Variants in DGKB observed in about 807,000 individuals in gnomAD.
The protein encoded by DGKB is 90 kDa diacylglycerol kinase.
DGKB carries 67 observed loss-of-function variants against 114.3 expected under a neutral mutation model. The ratio of observed to expected loss-of-function variants is 0.59; its 90% confidence interval spans 0.48 to 0.72. The LOEUF (loss-of-function observed/expected upper bound fraction) is 0.72. DGKB is among the 30% of genes least tolerant of loss of function. DGKB has a pLI of 0.00. For missense variants in DGKB, 907 were observed against 975.2 expected (o/e 0.93, Z 0.93); for synonymous variants, 398 against 323.1 (o/e 1.23, Z -2.49).
intron 13 of DGKB, among the ~76,000 whole-genome samples, chr7:14,641,103 T>G (rs796133871): frequency 6.6e-6 from 1 of 152,324 alleles, no homozygotes; most frequent in African/African-American, 2.4e-5. Flanking sequence ...GTTTCACCAG[T>G]GTTTAATGAG....
rs554268024 is a variant in DGKB, at chr7:14,188,585, G to A, written c.2123-10434C>T. Reference sequence around the variant, plus strand: ...TGAGGCAGGAGAATGGCGTGAACCCGGGAGGCGGAGCTTGCAGTGAGCCTA... The same window carrying A: ...TGAGGCAGGAGAATGGCGTGAACCCAGGAGGCGGAGCTTGCAGTGAGCCTA... On this transcript the variant is annotated intron_variant, in intron 23 of 25. Coordinates refer to ENST00000402815, the MANE Select transcript of DGKB (RefSeq NM_001350709.2). 2.1e-3 allele frequency among the ~76,000 whole-genome samples: 263 copies of A among 122,634 alleles called. 10 individuals carry two copies. Among genetic ancestry groups the A allele is most frequent in the African/African-American group, 7.1e-3 (245 of 34,396 alleles). The allele number at this position is 122,634 out of a possible 152,430, so 80.5% of individuals were successfully genotyped here. A position where few individuals can be genotyped will look rare whatever the true frequency, so the allele number is the denominator to read the frequency against.
At chr7:14,419,057 A>G (rs1243575033) in intron 21 of DGKB, among the ~76,000 whole-genome samples, 1 of 151,972 alleles carries the variant, frequency 6.6e-6, no homozygotes, top group Non-Finnish European at 1.5e-5. Flanking sequence ...TGATTGAGAG[A>G]GCAGAGAAAG....
intron 20 of DGKB, among the ~76,000 whole-genome samples, chr7:14,478,532 G>A (rs925540826): frequency 6.6e-6 from 1 of 151,966 alleles, no homozygotes; most frequent in Non-Finnish European, 1.5e-5. Flanking sequence ...CATGTTCAAC[G>A]TATGTTGAAG....
chr7:14,647,455 T>G lies in DGKB; in HGVS notation c.1135-17187A>C, dbSNP rs184365627. On this transcript the variant is annotated intron_variant, in intron 13 of 25. Transcript: ENST00000402815. Reference sequence around the variant, plus strand: ...TTAAATTACTCCAAAAACAAAAAAATAGACCATACTTCTTAATTCACTTTA... The same window carrying G: ...TTAAATTACTCCAAAAACAAAAAAAGAGACCATACTTCTTAATTCACTTTA... Among the ~76,000 whole-genome samples, 231 of 152,166 alleles carry G rather than the reference T, an allele frequency of 1.5e-3. 1 individual carries two copies. Among genetic ancestry groups the G allele is most frequent in the Admixed American group, 2.9e-3 (45 of 15,278 alleles).
intron 21 of DGKB, among the ~76,000 whole-genome samples, chr7:14,434,888 T>C (rs1829007927): frequency 6.6e-6 from 1 of 152,076 alleles, no homozygotes; most frequent in Admixed American, 6.6e-5. Context: ...ATACCAATGG[T>C]TGATCGTATG....
chr7:14,721,231 T>C (rs1018908578), intron 5 of DGKB, among the ~76,000 whole-genome samples: 6 of 152,224 alleles, frequency 3.9e-5, no homozygotes, highest in African/African-American at 1.4e-4. Flanking sequence ...GGCATGACCA[T>C]TTGTACTTAT....
intron 23 of DGKB, among the ~76,000 whole-genome samples, chr7:14,336,271 C>A (rs1303868139): frequency 6.6e-6 from 1 of 152,034 alleles, no homozygotes. Context: ...ATAGTGAAAT[C>A]ATCACTAAAA....
rs957571815 is a variant in DGKB at position 14,289,963 on chromosome 7, T to C, written c.2122+48552A>G. ...CAGGTGGTTAACCTGAACTACAAACTCATTACTTGACACTCAAGATGTAGG... is the reference window on the plus strand; with the variant it reads ...CAGGTGGTTAACCTGAACTACAAACCCATTACTTGACACTCAAGATGTAGG... On this transcript the variant is annotated intron_variant, in intron 23 of 25. Coordinates refer to ENST00000402815, the MANE Select transcript of DGKB (RefSeq NM_001350709.2). Among the ~76,000 whole-genome samples the C allele has an allele frequency of 3.9e-5, 6 of 152,288 alleles. No homozygotes were observed. In the South Asian group the frequency reaches 1.0e-3, roughly 26 times the overall value.
At chr7:14,458,411 A>G (rs1416398233) in intron 21 of DGKB, among the ~76,000 whole-genome samples, 1 of 152,188 alleles carries the variant, frequency 6.6e-6, no homozygotes, top group Non-Finnish European at 1.5e-5. Context: ...GGCTGGCAAG[A>G]TGGCTGAGTA....
intron 20 of DGKB, among the ~76,000 whole-genome samples, chr7:14,507,745 T>C (rs954733929): frequency 2.6e-5 from 4 of 152,266 alleles, no homozygotes; most frequent in African/African-American, 7.2e-5. Flanking sequence ...TCCACTATGT[T>C]GGCACAGGTC....
At chr7:14,777,301 G>T (rs1253068810) in intron 2 of DGKB, among the ~76,000 whole-genome samples, 2 of 152,058 alleles carry the variant, frequency 1.3e-5, no homozygotes, top group Admixed American at 6.5e-5. Context: ...AGACTTTGGG[G>T]GACTGTTGGG....
intron 1 of DGKB, among the ~76,000 whole-genome samples, chr7:14,898,689 A>C (rs1447719981): frequency 1.3e-5 from 2 of 152,058 alleles, no homozygotes; most frequent in African/African-American, 4.8e-5. Flanking sequence ...AAGTGTCACA[A>C]ATGACAAGAG....
intron 21 of DGKB, among the ~76,000 whole-genome samples, chr7:14,387,244 A>G (rs901841706): frequency 2.0e-5 from 3 of 151,958 alleles, no homozygotes; most frequent in African/African-American, 7.3e-5. Flanking sequence ...CAACATGGTG[A>G]AACTCCGTCT....
chr7:14,246,263 C>T (rs891727873), intron 23 of DGKB, among the ~76,000 whole-genome samples: 2 of 152,090 alleles, frequency 1.3e-5, no homozygotes, highest in African/African-American at 4.8e-5. Context: ...ACAGATGTTG[C>T]TTGACATGCT....
At chr7:14,217,109 G>T (rs1444436547) in intron 23 of DGKB, among the ~76,000 whole-genome samples, 2 of 152,142 alleles carry the variant, frequency 1.3e-5, no homozygotes, top group Non-Finnish European at 2.9e-5. Flanking sequence ...CAAATGACAA[G>T]AGAAAGGGCC....
chr7:14,521,934 A>G (rs2128567523), intron 20 of DGKB, among the ~76,000 whole-genome samples: 1 of 152,076 alleles, frequency 6.6e-6, no homozygotes, highest in Admixed American at 6.5e-5. Flanking sequence ...TTTATTTTGT[A>G]ATTTTGCCTG....
At chr7:14,465,726 C>A (rs1177748119) in intron 21 of DGKB, among the ~76,000 whole-genome samples, 2 of 151,990 alleles carry the variant, frequency 1.3e-5, no homozygotes, top group Admixed American at 6.6e-5. Context: ...AGCCAGGGAG[C>A]CCTAACTAGC....
chr7:14,269,707 G>T (rs1183837932), intron 23 of DGKB, among the ~76,000 whole-genome samples: 2 of 152,102 alleles, frequency 1.3e-5, no homozygotes, highest in Non-Finnish European at 2.9e-5. Flanking sequence ...TGGAATTGCA[G>T]TTCATGGATT....
chr7:14,478,026 A>T, intron 21 of DGKB, 135 bp downstream of exon 21: 2 of 220,392 alleles, frequency 9.1e-6, no homozygotes, highest in Middle Eastern at 8.6e-4. Flanking sequence ...CTTAATATTT[A>T]CACACACACA....
Sources: allele counts gnomAD v4.1 joint callset (sites outside exome capture counted in the v4.1 genomes callset), GRCh38; gene constraint gnomAD v4.1.1; transcripts MANE v1.5; gene names NCBI Gene and HGNC (gene_info 2026-07-23, HGNC 2026-07-21).